Variants in PATJ observed in about 807,000 individuals in gnomAD.
PATJ encodes PATJ crumbs cell polarity complex component.
Under a neutral mutation model 224.9 loss-of-function variants are expected in PATJ, and 190 were observed. The observed-to-expected ratio is 0.84, with a 90% CI of 0.75 to 0.95. PATJ has a LOEUF of 0.95. Among genes scored for constraint, PATJ ranks in the 40% least tolerant of loss-of-function variants. The pLI, the probability that PATJ is intolerant of heterozygous loss-of-function variation, is 0.00. For missense variants in PATJ, 2,121 were observed against 2,270.3 expected (o/e 0.93, Z 1.34); for synonymous variants, 769 against 820.3 (o/e 0.94, Z 1.07).
At chr1:62,081,438 A>T (rs990613866) in intron 32 of PATJ, among the ~76,000 whole-genome samples, 2 of 152,184 alleles carry the variant, frequency 1.3e-5, no homozygotes, top group Non-Finnish European at 2.9e-5. Context: ...AGGACTGGCT[A>T]GGGTGAGGCA....
rs376527974 is a variant in PATJ, at chr1:61,771,605, T to C, written c.699T>C (p.Asn233=). 54 of 1,598,836 alleles carry C rather than the reference T, an allele frequency of 3.4e-5. No individual in the cohort carries two copies. The highest frequency in any genetic ancestry group is 2.7e-4 in the African/African-American group (20 of 73,952). The change falls in exon 6 of 44, where the codon AAT becomes AAC. Residue 233 remains asparagine (N), a synonymous_variant. Transcript: ENST00000642238. ...AAAGCAGTACTTCTAGCAGCCTAAA[T>C]GATACAACTCTGCCTGAAACAGTGA... ...HTKSSTSSSL[N]DTTLPETVCW... is the part of the protein sequence containing the mutation.
chr1:61,785,865 A>G (rs1013024490), intron 7 of PATJ, among the ~76,000 whole-genome samples: 2 of 152,160 alleles, frequency 1.3e-5, no homozygotes, highest in African/African-American at 4.8e-5. Context: ...AATTAAAACA[A>G]TAATTATTTG....
intron 7 of PATJ, 37 bp from the exon 8 acceptor site, chr1:61,787,717 A>G (rs765184198): frequency 6.7e-7 from 1 of 1,492,274 alleles, no homozygotes; most frequent in Non-Finnish European, 9.3e-7. Context: ...AAGTTACAGC[A>G]TTTATTTCTC....
intron 28 of PATJ, among the ~76,000 whole-genome samples, chr1:62,013,129 T>G (rs914231952): frequency 6.6e-6 from 1 of 152,236 alleles, no homozygotes; most frequent in Admixed American, 6.5e-5. Flanking sequence ...AGGCATAACT[T>G]CAGATTTCCT....
At chr1:62,075,437 A>T (rs1397584963) in intron 31 of PATJ, among the ~76,000 whole-genome samples, 1 of 152,246 alleles carries the variant, frequency 6.6e-6, no homozygotes. Flanking sequence ...ATTTACCTTT[A>T]ATTTTTACAA....
chr1:62,008,487 T>G (rs1426630332), intron 28 of PATJ, among the ~76,000 whole-genome samples: 1 of 152,218 alleles, frequency 6.6e-6, no homozygotes, highest in East Asian at 1.9e-4. Context: ...ATCGGCACAG[T>G]GGCTCATGCC....
chr1:62,148,141 A>AAAAT, intron 41 of PATJ, 143 bp from the exon 42 acceptor site: 1 of 471,916 alleles, frequency 2.1e-6, no homozygotes, highest in East Asian at 3.2e-5. Context: ...AAAAAAAAAA[A>AAAAT]GTTTGAGAGA....
chr1:61,984,625 A>G (rs994334295), intron 27 of PATJ, among the ~76,000 whole-genome samples: 2 of 152,104 alleles, frequency 1.3e-5, no homozygotes, highest in African/African-American at 2.4e-5. Flanking sequence ...AGTCAGAACA[A>G]GATAGATGCA....
intron 34 of PATJ, among the ~76,000 whole-genome samples, chr1:62,111,103 A>C (rs554557340): frequency 1.3e-5 from 2 of 152,300 alleles, no homozygotes; most frequent in Middle Eastern, 6.8e-3. Context: ...ATTTAATAGA[A>C]ATTGCTTTGT....
intron 14 of PATJ, among the ~76,000 whole-genome samples, chr1:61,814,545 T>TGCGCGCGCGC (rs767050477): frequency 8.7e-5 from 12 of 138,706 alleles, no homozygotes; most frequent in African/African-American, 3.4e-4. Context: ...TGTGTGTGTG[T>TGCGCGCGCGC]GTGCGCGCGC....
intron 43 of PATJ, among the ~76,000 whole-genome samples, chr1:62,155,691 T>TA (rs1558245840): frequency 2.5e-4 from 23 of 93,450 alleles, no homozygotes; most frequent in African/African-American, 6.9e-4. Context: ...AGCTCTGAAT[T>TA]TAAAAAAAAA....
intron 29 of PATJ, among the ~76,000 whole-genome samples, chr1:62,036,209 G>T (rs1304637934): frequency 6.6e-6 from 1 of 152,182 alleles, no homozygotes; most frequent in Non-Finnish European, 1.5e-5. Flanking sequence ...TGGAGAATGG[G>T]TTGGAGAGAA....
chr1:62,108,580 C>T (rs994206506), intron 34 of PATJ, 60 bp downstream of exon 34: 2 of 997,420 alleles, frequency 2.0e-6, no homozygotes, highest in South Asian at 3.1e-5. Context: ...TGGTCTCGAT[C>T]CATAAAGTTG....
chr1:62,114,079 C>T lies in PATJ; in HGVS notation c.4488C>T (p.Ser1496=). Residue 1496 remains serine, a synonymous_variant, in exon 35 of 44, where the codon TCC becomes TCT. Coordinates refer to ENST00000642238, the MANE Select transcript of PATJ (RefSeq NM_001350145.3). The part of the protein sequence containing the change: ...LEVNGVDLRN[S]SHEEAITALR... The stretch of plus-strand genomic sequence containing the variant: ...TTAATGGGGTTGACCTGAGGAACTC[C>T]AGCCACGAAGAAGCCATCACAGCCC... 6.2e-7 allele frequency: 1 copy of T among 1,614,054 alleles called. No homozygotes were observed. The highest frequency in any genetic ancestry group is 1.3e-5 in the African/African-American group (1 of 75,030).
At chr1:61,912,399 G>A (rs1189922911) in intron 25 of PATJ, among the ~76,000 whole-genome samples, 2 of 151,998 alleles carry the variant, frequency 1.3e-5, no homozygotes, top group Admixed American at 1.3e-4. Context: ...TTGGAGACCA[G>A]CCTGGCCAAC....
At position 61,884,221 on chromosome 1, in the gene PATJ, T is replaced by G. The variant is rs762460616; in HGVS notation, c.2960-16T>G. ...AGTGCCTCTTGTGTTCACTGTCATC[T>G]GGATTTGCTCTTCAGGCATGATCCC... On this transcript the variant is annotated splice_polypyrimidine_tract_variant and intron_variant, in intron 21 of 43. Transcript: ENST00000642238. 4.8e-5 allele frequency: 76 copies of G among 1,571,874 alleles called. No individual in the cohort carries two copies. The highest frequency in any genetic ancestry group is 6.3e-5 in the Non-Finnish European group (73 of 1,160,890).
At chr1:61,936,466 G>T (rs944447838) in intron 27 of PATJ, among the ~76,000 whole-genome samples, 34 of 142,006 alleles carry the variant, frequency 2.4e-4, no homozygotes, top group African/African-American at 7.4e-4. Flanking sequence ...GAAAGGAAGA[G>T]AACAAATTAA....
chr1:62,060,986 C>T (rs1655332740), intron 31 of PATJ, among the ~76,000 whole-genome samples: 1 of 152,008 alleles, frequency 6.6e-6, no homozygotes, highest in Non-Finnish European at 1.5e-5. Context: ...GCCACCACGC[C>T]CAGCCATTCA....
At chr1:62,105,720 T>C (rs1570616630) in intron 33 of PATJ, among the ~76,000 whole-genome samples, 2 of 152,250 alleles carry the variant, frequency 1.3e-5, no homozygotes, top group South Asian at 4.2e-4. Context: ...AAACTTTTCC[T>C]GGCTTTTGGG....
Sources: gnomAD v4.1 joint callset for allele counts (sites outside exome capture counted in the v4.1 genomes callset) on GRCh38, gnomAD v4.1.1 for gene constraint, MANE v1.5 for transcripts, NCBI Gene and HGNC (gene_info 2026-07-23, HGNC 2026-07-21) for gene names.